Variants in LIN28B observed in about 807,000 individuals in gnomAD.
LIN28B encodes the protein lin-28 RNA binding posttranscriptional regulator B.
In LIN28B, 5 loss-of-function variants were observed where a neutral mutation model predicts 21.9. The observed-to-expected ratio is 0.23, with a 90% confidence interval of 0.12 to 0.48. The LOEUF is 0.48. Ranked by LOEUF, LIN28B falls within the 20% of genes least tolerant of loss-of-function variation. LIN28B has a pLI of 0.98. For synonymous variants in LIN28B, 109 were observed against 111.3 expected, an observed-to-expected ratio of 0.98 and a Z score of 0.13; for missense variants, 245 against 310.5, an observed-to-expected ratio of 0.79 and a Z score of 1.58.
intron 2 of LIN28B, among the ~76,000 whole-genome samples, chr6:104,970,624 T>C (rs1046966133): frequency 6.6e-6 from 1 of 152,210 alleles, no homozygotes; most frequent in African/African-American, 2.4e-5. Context: ...TAGTTACTTA[T>C]TTTTCTATCA....
intron 2 of LIN28B, among the ~76,000 whole-genome samples, chr6:105,002,029 A>G (rs75142318): frequency 6.6e-6 from 1 of 152,174 alleles, no homozygotes; most frequent in East Asian, 1.9e-4. Flanking sequence ...ATTGACTTAC[A>G]TGTATCCAGC....
intron 3 of LIN28B, among the ~76,000 whole-genome samples, chr6:105,063,159 G>T (rs1772152804): frequency 6.6e-6 from 1 of 151,922 alleles, no homozygotes; most frequent in South Asian, 2.1e-4. Context: ...TTATATAAAG[G>T]CTCATACTCT....
intron 2 of LIN28B, among the ~76,000 whole-genome samples, chr6:104,991,396 G>A (rs182587171): frequency 2.6e-3 from 387 of 146,750 alleles, no homozygotes; most frequent in African/African-American, 9.4e-3. Flanking sequence ...GGGCAGAGGC[G>A]CTCCTCACAT....
chr6:105,044,537 A>G (rs1045522296), intron 3 of LIN28B, among the ~76,000 whole-genome samples: 3 of 152,182 alleles, frequency 2.0e-5, no homozygotes, highest in African/African-American at 7.2e-5. Flanking sequence ...TCAGTTTTAC[A>G]GTTTGTAAAT....
chr6:105,033,125 G>C (rs964216623), intron 3 of LIN28B, among the ~76,000 whole-genome samples: 1 of 152,046 alleles, frequency 6.6e-6, no homozygotes, highest in African/African-American at 2.4e-5. Flanking sequence ...AAAGTGTAAG[G>C]CCTAGGTAGA....
intron 2 of LIN28B, among the ~76,000 whole-genome samples, chr6:105,016,632 C>T (rs1460281092): frequency 6.6e-6 from 1 of 152,096 alleles, no homozygotes; most frequent in African/African-American, 2.4e-5. Flanking sequence ...TTCCCTTGTT[C>T]CCCACCATCC....
At position 104,940,491 on chromosome 6, in the gene LIN28B, T is replaced by C. The variant is rs1362176213; in HGVS notation, c.18+3375T>C. 10 of 152,904 alleles carry C rather than the reference T, an allele frequency of 6.5e-5. No homozygotes were observed. The East Asian group carries it at 2.0e-3, about 30-fold the overall frequency. The allele number at this position is 152,904 out of a possible 1,614,324, so 9.5% of individuals were successfully genotyped here. ...CCTGCGCGGGGACGCGCTTCGGGGGTTCGGGGGCGCCCGCGGTAAAGCTCC... is the reference window on the plus strand; with the variant it reads ...CCTGCGCGGGGACGCGCTTCGGGGGCTCGGGGGCGCCCGCGGTAAAGCTCC... On this transcript the variant is annotated intron_variant, in intron 2 of 5. Transcript: ENST00000635857.
chr6:104,959,884 C>T (rs1769694860), intron 2 of LIN28B, among the ~76,000 whole-genome samples: 2 of 151,976 alleles, frequency 1.3e-5, no homozygotes, highest in South Asian at 2.1e-4. Context: ...TGTCTGGTCA[C>T]GCCTTTTTAT....
upstream of LIN28B, among the ~76,000 whole-genome samples, chr6:104,953,085 G>T (rs933880990): frequency 1.7e-4 from 26 of 152,254 alleles, no homozygotes; most frequent in Non-Finnish European, 2.2e-4. Context: ...GCGGCGGAAG[G>T]AATCAGGACA....
rs1488712747 is a variant in LIN28B at position 105,079,726 on chromosome 6, C to T, written c.*943C>T. On this transcript the variant is annotated 3_prime_UTR_variant, in exon 4 of 4. Transcript: ENST00000345080. Reference sequence around the variant, plus strand: ...TCAATCTTCTACCCATTGCTTAGAGCAGGGAGCCCTCCTTATTTACTACTG... The same window carrying T: ...TCAATCTTCTACCCATTGCTTAGAGTAGGGAGCCCTCCTTATTTACTACTG... 6.6e-6 allele frequency: 1 copy of T among 152,266 alleles called. No individual in the cohort carries two copies. The highest frequency in any genetic ancestry group is 1.5e-5 in the Non-Finnish European group (1 of 68,034). The allele number at this position is 152,266 out of a possible 1,614,324, so 9.4% of individuals were successfully genotyped here.
chr6:105,023,562 TATATAATATATATAA>T (rs1350325152), intron 2 of LIN28B, among the ~76,000 whole-genome samples: 26 of 826 alleles, frequency 0.031, 8 homozygotes, highest in African/African-American at 0.17. Context: ...CCTATATATA[TATATAATATATATAA>T]TATATATTAT....
intron 3 of LIN28B, among the ~76,000 whole-genome samples, chr6:105,033,983 G>T (rs774069270): frequency 3.3e-5 from 5 of 151,386 alleles, no homozygotes; most frequent in Non-Finnish European, 4.4e-5. Flanking sequence ...TATGTAAAAA[G>T]GATTTAGACT....
At chr6:105,010,856 T>G (rs991820686) in intron 2 of LIN28B, among the ~76,000 whole-genome samples, 1 of 152,226 alleles carries the variant, frequency 6.6e-6, no homozygotes, top group Non-Finnish European at 1.5e-5. Context: ...CATGTCCCTC[T>G]TTAGTCAGTC....
rs1011164168 is a variant in LIN28B, at chr6:105,078,337, G to C, written c.384-77G>C. The C allele has an allele frequency of 7.6e-6, 10 of 1,308,576 alleles. No homozygotes were observed. In the Admixed American group the frequency reaches 1.3e-4, roughly 17 times the overall value. The allele number at this position is 1,308,576 out of a possible 1,614,324, so 81.1% of individuals were successfully genotyped here. On this transcript the variant is annotated intron_variant, in intron 3 of 3. Transcript: ENST00000345080. Reference sequence around the variant, plus strand: ...TAAGCTTATCTCATTGGTAGTTTGTGTGTTTTCACATTTTAAAATGTGTTT... The same window carrying C: ...TAAGCTTATCTCATTGGTAGTTTGTCTGTTTTCACATTTTAAAATGTGTTT...
chr6:105,051,732 C>CT (rs1362015003), intron 3 of LIN28B, among the ~76,000 whole-genome samples: 3 of 46,804 alleles, frequency 6.4e-5, no homozygotes, highest in African/African-American at 1.9e-4. Context: ...ATCTCAGTTT[C>CT]TCTCTGTAAA....
chr6:104,972,232 A>G (rs1452095698), intron 2 of LIN28B, among the ~76,000 whole-genome samples: 2 of 152,216 alleles, frequency 1.3e-5, no homozygotes, highest in Non-Finnish European at 2.9e-5. Flanking sequence ...TTGGCCTCCC[A>G]AAGTGCTGGG....
chr6:104,941,490 C>T (rs1425089295), intron 2 of LIN28B: 1 of 149,990 alleles, frequency 6.7e-6, no homozygotes, highest in Non-Finnish European at 1.5e-5. Flanking sequence ...CGCGGGGGCG[C>T]AGGGCGCGAG....
At chr6:104,964,057 A>T (rs1769807316) in intron 2 of LIN28B, among the ~76,000 whole-genome samples, 1 of 152,338 alleles carries the variant, frequency 6.6e-6, no homozygotes, top group East Asian at 1.9e-4. Context: ...TCAGGCAGCA[A>T]CAAAACATTA....
chr6:105,033,805 GAA>G (rs552157801), intron 3 of LIN28B, among the ~76,000 whole-genome samples: 257 of 151,880 alleles, frequency 1.7e-3, no homozygotes, highest in African/African-American at 5.7e-3. Flanking sequence ...TTACTATGAA[GAA>G]AAAGAGTGAG....
Sources: allele counts gnomAD v4.1 joint callset (sites outside exome capture counted in the v4.1 genomes callset), GRCh38; gene constraint gnomAD v4.1.1; transcripts MANE v1.5; gene names NCBI Gene and HGNC (gene_info 2026-07-23, HGNC 2026-07-21).